The following PIK3R3 variants were observed in gnomAD, a reference collection of about 807,000 sequenced individuals.
The protein encoded by PIK3R3 is phosphatidylinositol 3-kinase regulatory subunit gamma.
PIK3R3 carries 64 observed loss-of-function variants against 62.9 expected under a neutral mutation model. The ratio of observed to expected loss-of-function variants is 1.02; its 90% CI spans 0.83 to 1.25. PIK3R3 has a LOEUF of 1.25. PIK3R3 is among the 50% of genes most tolerant of loss of function. PIK3R3 has a pLI of 0.00. For synonymous variants in PIK3R3, 165 were observed against 189.0 expected, an observed-to-expected ratio of 0.87 and a Z score of 1.04; for missense variants, 614 against 561.6, an observed-to-expected ratio of 1.09 and a Z score of -0.94.
At chr1:46,169,277 T>C in the PIK3R3 span, among the ~76,000 whole-genome samples, 12 of 152,348 alleles carry the variant, frequency 7.9e-5, no homozygotes, top group East Asian at 2.3e-3. Flanking sequence ...CCTGGACCTC[T>C]GTTCCTTCAT....
chr1:46,129,056 G>GT (rs967278039), intron 1 of PIK3R3, among the ~76,000 whole-genome samples: 3 of 151,570 alleles, frequency 2.0e-5, no homozygotes, highest in African/African-American at 4.9e-5. Flanking sequence ...GGGCAACAGA[G>GT]TGAGACTCTG....
intron 1 of PIK3R3, 128 bp downstream of exon 1, chr1:46,131,719 T>A (rs1296058250): frequency 1.3e-6 from 1 of 751,908 alleles, no homozygotes; most frequent in Non-Finnish European, 2.2e-6. Flanking sequence ...ACCGCAGCTG[T>A]AACTGCAAAT....
At chr1:46,097,826 T>G (rs1322538679) in intron 1 of PIK3R3, among the ~76,000 whole-genome samples, 1 of 143,076 alleles carries the variant, frequency 7.0e-6, no homozygotes, top group East Asian at 2.1e-4. Flanking sequence ...GAGGGGGAGG[T>G]TGCAGTGAGC....
intron 1 of PIK3R3, among the ~76,000 whole-genome samples, chr1:46,125,290 A>G (rs1481368675): frequency 6.6e-6 from 1 of 152,160 alleles, no homozygotes; most frequent in African/African-American, 2.4e-5. Flanking sequence ...AGACAAAAAA[A>G]CTGGCATGGC....
intron 1 of PIK3R3, among the ~76,000 whole-genome samples, chr1:46,122,695 A>G (rs1189949882): frequency 6.6e-6 from 1 of 152,116 alleles, no homozygotes; most frequent in East Asian, 1.9e-4. Flanking sequence ...TCAAAGTTTC[A>G]AACACAATTT....
At chr1:46,160,473 A>G in the PIK3R3 span, among the ~76,000 whole-genome samples, 1 of 152,246 alleles carries the variant, frequency 6.6e-6, no homozygotes, top group Non-Finnish European at 1.5e-5. Flanking sequence ...TCTTTTTAAA[A>G]GGGAGGATTT....
intron 1 of PIK3R3, among the ~76,000 whole-genome samples, chr1:46,128,248 A>T (rs1655264005): frequency 6.6e-6 from 1 of 152,176 alleles, no homozygotes; most frequent in South Asian, 2.1e-4. Context: ...CAGCCTGGCC[A>T]ACATGGCAAA....
chr1:46,159,782 T>C, the PIK3R3 span, among the ~76,000 whole-genome samples: 4 of 149,018 alleles, frequency 2.7e-5, no homozygotes, highest in South Asian at 8.3e-4. Context: ...AACAAATCAC[T>C]TACCAGGGGC....
intron 5 of PIK3R3, among the ~76,000 whole-genome samples, chr1:46,065,176 G>A (rs1648875978): frequency 6.6e-6 from 1 of 152,138 alleles, no homozygotes. Context: ...AAACTTCTCT[G>A]AAGATATTCA....
rs1647128367 is a variant in PIK3R3 at position 46,046,797 on chromosome 1, A to G, written c.942-172T>C. 5.2e-6 allele frequency: 3 copies of G among 579,314 alleles called. No individual in the cohort carries two copies. In the East Asian group the frequency reaches 8.7e-5, roughly 17 times the overall value. 35.9% of individuals were successfully genotyped at this position (579,314 alleles called of 1,614,324 possible). On this transcript the variant is annotated intron_variant, in intron 7 of 9. Coordinates refer to ENST00000262741, the MANE Select transcript of PIK3R3 (RefSeq NM_003629.4). ...TCTCTCGATTACTTTTCTTTCAACT[A>G]CTATCAAGATGAACTGATCTTTTCC...
intron 1 of PIK3R3, among the ~76,000 whole-genome samples, chr1:46,085,775 A>G (rs1024951108): frequency 5.9e-5 from 9 of 152,228 alleles, no homozygotes; most frequent in Non-Finnish European, 1.0e-4. Context: ...ATGCTGAGTG[A>G]TAAGTTAGGT....
the PIK3R3 span, among the ~76,000 whole-genome samples, chr1:46,164,846 T>C: frequency 2.6e-5 from 4 of 152,172 alleles, no homozygotes; most frequent in African/African-American, 9.6e-5. Context: ...CCCCATCCCT[T>C]TTTTTGAGAT....
At chr1:46,106,135 G>C (rs992242629) in intron 1 of PIK3R3, among the ~76,000 whole-genome samples, 1 of 152,126 alleles carries the variant, frequency 6.6e-6, no homozygotes, top group African/African-American at 2.4e-5. Context: ...ACACAGTCTT[G>C]CTCTGTTGCC....
At chr1:46,139,879 C>A in the PIK3R3 span, among the ~76,000 whole-genome samples, 9 of 152,320 alleles carry the variant, frequency 5.9e-5, no homozygotes, top group Admixed American at 2.6e-4. Flanking sequence ...AGCTCAGTAT[C>A]CTACCCTGAC....
chr1:46,152,425 T>C, the PIK3R3 span, among the ~76,000 whole-genome samples: 2 of 152,136 alleles, frequency 1.3e-5, no homozygotes, highest in African/African-American at 4.8e-5. Context: ...TAGTCTTTCC[T>C]TCACCTCTCC....
intron 1 of PIK3R3, among the ~76,000 whole-genome samples, chr1:46,093,867 A>C (rs540989177): frequency 3.3e-5 from 5 of 151,802 alleles, no homozygotes; most frequent in African/African-American, 7.3e-5. Flanking sequence ...AAAAAAAAAA[A>C]AAAACATCCT....
At chr1:46,124,796 CA>C (rs55985922) in intron 1 of PIK3R3, among the ~76,000 whole-genome samples, 2,374 of 108,192 alleles carry the variant, frequency 0.022, 67 homozygotes, top group African/African-American at 0.071. Context: ...AACTCTTTTT[CA>C]AAAAAAAAAA....
At chr1:46,148,717 C>G in the PIK3R3 span, among the ~76,000 whole-genome samples, 15 of 150,270 alleles carry the variant, frequency 1.0e-4, no homozygotes, top group African/African-American at 3.7e-4. Flanking sequence ...CTTGAAGAAC[C>G]ATTGTTCGTG....
chr1:46,066,251 A>T (rs930984941), intron 4 of PIK3R3, 72 bp from the exon 5 acceptor site: 5 of 1,096,190 alleles, frequency 4.6e-6, no homozygotes, highest in Non-Finnish European at 6.6e-6. Flanking sequence ...TTCCACATCT[A>T]TTTTTTAAAG....
Sources: allele counts gnomAD v4.1 joint callset (sites outside exome capture counted in the v4.1 genomes callset), GRCh38; gene constraint gnomAD v4.1.1; transcripts MANE v1.5; gene names NCBI Gene and HGNC (gene_info 2026-07-23, HGNC 2026-07-21).